RP1: variants seen among roughly 807,000 people sequenced by gnomAD.
RP1 encodes oxygen-regulated protein 1.
Under a neutral mutation model 14.8 loss-of-function variants are expected in RP1, and 16 were observed. The ratio of observed to expected loss-of-function variants is 1.08; its 90% CI spans 0.73 to 1.65. The LOEUF (loss-of-function observed/expected upper bound fraction) is 1.65. RP1 is among the 40% of genes most tolerant of loss of function. The pLI is 0.00. For synonymous variants in RP1, 876 were observed against 883.6 expected (o/e 0.99, Z 0.15); for missense variants, 2,631 against 2,535.0 (o/e 1.04, Z -0.81).
intron 12 of RP1, among the ~76,000 whole-genome samples, chr8:54,687,967 G>A (rs1459820209): frequency 1.3e-5 from 2 of 152,114 alleles, no homozygotes; most frequent in African/African-American, 2.4e-5. Flanking sequence ...ATCCCCTCCA[G>A]CATCTGTTGT....
chr8:54,665,230 C>T (rs1806991694), intron 7 of RP1, among the ~76,000 whole-genome samples: 1 of 152,024 alleles, frequency 6.6e-6, no homozygotes, highest in African/African-American at 2.4e-5. Flanking sequence ...GGACATATTC[C>T]CCTTTTTTCT....
chr8:54,568,846 G>T (rs1486853998), intron 1 of RP1, among the ~76,000 whole-genome samples: 1 of 152,192 alleles, frequency 6.6e-6, no homozygotes, highest in Non-Finnish European at 1.5e-5. Context: ...CATGAATTTG[G>T]AAATCACTGG....
intron 24 of RP1, among the ~76,000 whole-genome samples, chr8:54,789,603 T>A (rs1208232889): frequency 6.6e-6 from 1 of 152,140 alleles, no homozygotes; most frequent in Non-Finnish European, 1.5e-5. Context: ...CCCTTTCAGC[T>A]GTGAAGTTTA....
chr8:54,621,368 C>T lies in RP1; in HGVS notation c.402C>T (p.Ser134=), dbSNP rs921415953. Residue 134 remains serine (S), a synonymous_variant, in exon 2 of 4, where the codon AGC becomes AGT. Coordinates refer to ENST00000220676, the MANE Select transcript of RP1 (RefSeq NM_006269.2). The part of the protein sequence containing the change: ...PRPWLSSRAI[S]AHSPPHPVAV... ...CCTGGCTCAGCAGCCGGGCCATTAG[C>T]GCGCACTCACCGCCCCACCCCGTAG... 4 of 1,612,748 alleles carry T rather than the reference C, an allele frequency of 2.5e-6. No homozygotes were observed. The highest frequency in any genetic ancestry group is 3.4e-6 in the Non-Finnish European group (4 of 1,179,826).
At chr8:54,581,292 G>T (rs1804786828) in intron 1 of RP1, among the ~76,000 whole-genome samples, 1 of 152,112 alleles carries the variant, frequency 6.6e-6, no homozygotes, top group Non-Finnish European at 1.5e-5. Context: ...TGCTGAGAAT[G>T]ATGGTTTCTA....
intron 24 of RP1, among the ~76,000 whole-genome samples, chr8:54,815,826 T>G (rs1263602948): frequency 2.6e-5 from 4 of 152,180 alleles, no homozygotes; most frequent in Admixed American, 2.0e-4. Flanking sequence ...GAAAGATAGT[T>G]CATATTTGGC....
intron 24 of RP1, among the ~76,000 whole-genome samples, chr8:54,797,643 A>G (rs533820756): frequency 6.6e-6 from 1 of 152,156 alleles, no homozygotes; most frequent in East Asian, 1.9e-4. Context: ...TATCCTTCCA[A>G]TTTCAGATAA....
intron 27 of RP1, among the ~76,000 whole-genome samples, chr8:54,864,939 T>A (rs1026720399): frequency 1.3e-5 from 2 of 152,218 alleles, no homozygotes; most frequent in African/African-American, 4.8e-5. Flanking sequence ...AATTAGTTTA[T>A]GAGGAACTGA....
At chr8:54,827,823 G>C (rs748463061) in intron 24 of RP1, among the ~76,000 whole-genome samples, 6 of 151,262 alleles carry the variant, frequency 4.0e-5, no homozygotes, top group Admixed American at 6.6e-5. Context: ...GCTTGAACCG[G>C]GAAGGCGGAG....
intron 12 of RP1, among the ~76,000 whole-genome samples, chr8:54,695,878 G>T (rs74893517): frequency 0.037 from 5,615 of 152,162 alleles, 227 homozygotes; most frequent in African/African-American, 0.092. Flanking sequence ...GAGATCCTAA[G>T]TCTTAAACAT....
chr8:54,627,230 C>T lies in RP1; in HGVS notation c.3348C>T (p.Pro1116=). Residue 1116 remains proline (P), a synonymous_variant, in exon 4 of 4, where the codon CCC becomes CCT. Coordinates refer to ENST00000220676, the MANE Select transcript of RP1 (RefSeq NM_006269.2). ...VQMPGSLAGV[P]FHSAICNSST... is the part of the protein sequence containing the mutation. The stretch of plus-strand genomic sequence containing the variant: ...TGCCAGGTTCACTTGCAGGTGTTCC[C>T]TTTCATTCTGCAATATGTAATTCAT... The T allele has an allele frequency of 6.2e-7, 1 of 1,614,048 alleles. No individual in the cohort carries two copies. Among genetic ancestry groups the T allele is most frequent in the Non-Finnish European group, 8.5e-7 (1 of 1,179,974 alleles).
chr8:54,650,862 A>G (rs1237317181), intron 4 of RP1, among the ~76,000 whole-genome samples: 1 of 151,982 alleles, frequency 6.6e-6, no homozygotes, highest in Non-Finnish European at 1.5e-5. Context: ...TTTGGGGGAA[A>G]AGCTCTTCAT....
At chr8:54,847,059 A>G (rs1811939243) in intron 25 of RP1, among the ~76,000 whole-genome samples, 1 of 152,178 alleles carries the variant, frequency 6.6e-6, no homozygotes, top group Non-Finnish European at 1.5e-5. Context: ...ATGCTTCCTC[A>G]GGGCTGCCCC....
At chr8:54,784,191 G>A (rs1232942261) in intron 24 of RP1, among the ~76,000 whole-genome samples, 2 of 152,102 alleles carry the variant, frequency 1.3e-5, no homozygotes, top group African/African-American at 2.4e-5. Flanking sequence ...CCATTTACAA[G>A]CATGGTGACC....
At chr8:54,698,047 T>A (rs1807913862) in intron 12 of RP1, among the ~76,000 whole-genome samples, 1 of 152,144 alleles carries the variant, frequency 6.6e-6, no homozygotes, top group African/African-American at 2.4e-5. Context: ...AAATGGGATC[T>A]AATTCAGCTA....
At chr8:54,564,029 C>T (rs961647360) in intron 1 of RP1, among the ~76,000 whole-genome samples, 6 of 152,154 alleles carry the variant, frequency 3.9e-5, no homozygotes, top group African/African-American at 1.4e-4. Flanking sequence ...GTGTGAGAGA[C>T]CGCTGCGGAG....
chr8:54,586,908 C>G (rs1162503174), intron 1 of RP1, among the ~76,000 whole-genome samples: 6 of 152,330 alleles, frequency 3.9e-5, no homozygotes, highest in African/African-American at 1.4e-4. Flanking sequence ...CTTTATTTGA[C>G]TAGGAAAGGG....
chr8:54,814,702 A>T (rs920187347), intron 24 of RP1, among the ~76,000 whole-genome samples: 1 of 152,208 alleles, frequency 6.6e-6, no homozygotes, highest in Non-Finnish European at 1.5e-5. Context: ...TTGACATTTG[A>T]TGCCACTCAA....
chr8:54,692,216 T>G (rs1037934619), intron 12 of RP1, among the ~76,000 whole-genome samples: 46 of 151,494 alleles, frequency 3.0e-4, no homozygotes, highest in Non-Finnish European at 6.2e-4. Context: ...CAGTCTATCG[T>G]TGTTGGACAT....
Sources: gnomAD v4.1 joint callset for allele counts (sites outside exome capture counted in the v4.1 genomes callset) on GRCh38, gnomAD v4.1.1 for gene constraint, MANE v1.5 for transcripts, NCBI Gene and HGNC (gene_info 2026-07-23, HGNC 2026-07-21) for gene names.